Variants in MYL6 observed in about 807,000 individuals in gnomAD.
MYL6 encodes the protein myosin light polypeptide 6.
Under a neutral mutation model 20.3 loss-of-function variants are expected in MYL6, and 20 were observed. That is an observed-to-expected ratio of 0.98 (90% CI 0.69 to 1.43). The LOEUF (loss-of-function observed/expected upper bound fraction) is 1.43, where lower values mean the gene tolerates loss of function less well. Among genes scored for constraint, MYL6 ranks in the 40% most tolerant of loss-of-function variants. MYL6 has a pLI of 0.00. For synonymous variants in MYL6, 77 were observed against 72.4 expected, an observed-to-expected ratio of 1.06 and a Z score of -0.32; for missense variants, 164 against 191.0, an observed-to-expected ratio of 0.86 and a Z score of 0.83.
chr12:56,160,975 C>T (rs1871787509), intron 6 of MYL6: 2 of 566,686 alleles, frequency 3.5e-6, no homozygotes, highest in Non-Finnish European at 6.3e-6. Flanking sequence ...GGCCCTGGAG[C>T]ATGGGTAGCT....
Position 56,158,464 on chromosome 12 carries a change from T to TG in MYL6, c.3+66dup, listed in dbSNP as rs746617292. 6.7e-5 allele frequency: 104 copies of TG among 1,556,148 alleles called. No homozygotes were observed. The African/African-American group carries it at 1.3e-3, about 20-fold the overall frequency. On this transcript the variant is annotated intron_variant, in intron 1 of 6. Transcript: ENST00000550697. The stretch of plus-strand genomic sequence containing the variant: ...GGGACGAGAGGCAGGAAGAGACGGG[T>TG]GGGGGGCGAGGAGAAGGCAGGGGTA...
chr12:56,160,745 C>A, intron 6 of MYL6, 75 bp downstream of exon 6: 1 of 1,497,316 alleles, frequency 6.7e-7, no homozygotes, highest in East Asian at 2.3e-5. Context: ...GCTCTTTATC[C>A]CCTGCCCTTA....
chr12:56,159,714 G>T lies in MYL6; in HGVS notation c.159G>T (p.Gly53=). 1 of 1,614,094 alleles carries T rather than the reference G, an allele frequency of 6.2e-7. No homozygotes were observed. The highest frequency in any genetic ancestry group is 8.5e-7 in the Non-Finnish European group (1 of 1,179,954). ...ACGCCGAGGTGCTCAAGGTCCTGGG[G>T]AACCCCAAGAGTGATGGTGAGGGGC... ...PTNAEVLKVL[G]NPKSDEMNVK... Residue 53 remains glycine, a synonymous_variant, in exon 3 of 7, where the codon GGG becomes GGT. Transcript: ENST00000550697.
At chr12:56,159,072 C>A in intron 2 of MYL6, 1 of 557,252 alleles carries the variant, frequency 1.8e-6, no homozygotes, top group South Asian at 2.7e-5. Context: ...ATAACTGTCC[C>A]CGCCCTCCCA....
rs759256398 is a variant in MYL6, at chr12:56,159,661, A to G, written c.106A>G (p.Met36Val). The change falls in exon 3 of 7, where the codon ATG (methionine) becomes GTG (valine). Residue 36 changes from methionine (M) to valine (V), a missense_variant. Transcript: ENST00000550697. ...CCTGTACAGCCAGTGTGGGGATGTG[A>G]TGAGGGCCCTGGGCCAGAACCCTAC... is the stretch of plus-strand genomic sequence containing the variant. ...KILYSQCGDV[M>V]RALGQNPTNA... 1.1e-5 allele frequency: 17 copies of G among 1,614,142 alleles called. No homozygotes were observed. In the Admixed American group the frequency reaches 2.8e-4, roughly 27 times the overall value.
intron 6 of MYL6, chr12:56,160,937 T>C (rs892727081): frequency 2.9e-5 from 17 of 584,488 alleles, no homozygotes; most frequent in Middle Eastern, 4.5e-4. Flanking sequence ...CCAGCCTGTA[T>C]ACCAGTCTTG....
chr12:56,159,482 T>C (rs1225819523), intron 2 of MYL6, 105 bp from the exon 3 acceptor site: 2 of 1,446,680 alleles, frequency 1.4e-6, no homozygotes, highest in African/African-American at 2.8e-5. Flanking sequence ...TTGGTGCAGA[T>C]ATCTCGTTTC....
chr12:56,161,128 G>T (rs945184578), intron 6 of MYL6: 14 of 600,770 alleles, frequency 2.3e-5, no homozygotes, highest in Non-Finnish European at 3.9e-5. Flanking sequence ...GTAGCTGTAG[G>T]TGTAGTGGAG....
Position 56,161,534 on chromosome 12 carries a change from T to C in MYL6, c.*164T>C, listed in dbSNP as rs4847. 1.4e-3 allele frequency: 1,790 copies of C among 1,282,652 alleles called. 3 individuals carry two copies. Among genetic ancestry groups the C allele is most frequent in the Non-Finnish European group, 1.8e-3 (1,604 of 884,550 alleles). 79.5% of individuals were successfully genotyped at this position (1,282,652 alleles called of 1,614,324 possible). A position where few individuals can be genotyped will look rare whatever the true frequency, so the allele number is the denominator to read the frequency against. On this transcript the variant is annotated 3_prime_UTR_variant, in exon 7 of 7. Coordinates refer to ENST00000550697, the MANE Select transcript of MYL6 (RefSeq NM_021019.5). The stretch of plus-strand genomic sequence containing the variant: ...TTCCCATCTTGTCTCTCTTGGATGA[T>C]GTTTGCCGTCAGCATTCACCAAATA...
chr12:56,160,599 A>G (rs545393786), intron 5 of MYL6, 27 bp from the exon 6 acceptor site: 1 of 1,614,040 alleles, frequency 6.2e-7, no homozygotes, highest in Admixed American at 1.7e-5. Flanking sequence ...TCTTGTCTTC[A>G]CCATGAATGT....
In MYL6 at chr12:56,159,617, G is replaced by C. The variant is rs780249168; in HGVS notation, c.62G>C (p.Arg21Pro). The C allele has an allele frequency of 6.2e-7, 1 of 1,613,884 alleles. No homozygotes were observed. Among genetic ancestry groups the C allele is most frequent in the Non-Finnish European group, 8.5e-7 (1 of 1,179,934 alleles). The change falls in exon 3 of 7, where the codon CGA becomes CCA. Residue 21 changes from arginine (R) to proline (P), a missense_variant. Arg to Pro is a moderately radical substitution (Grantham distance 103). Coordinates refer to ENST00000550697, the MANE Select transcript of MYL6 (RefSeq NM_021019.5). ...EFKEAFQLFDRTGDGKILYSQ... is the reference protein window; with the variant it reads ...EFKEAFQLFDPTGDGKILYSQ... ...AAGGAGGCCTTCCAGCTGTTTGACC[G>C]AACAGGTGATGGCAAGATCCTGTAC...
Position 56,160,639 on chromosome 12 carries a change from T to C in MYL6, c.441T>C (p.His147=), listed in dbSNP as rs762301205. ...GCINYEAFVR[H]ILSG is the part of the protein sequence containing the mutation. ...TCCTTCCTGCAGCGTTTGTGAGGCATATCCTGTCGGGGTGACGGGCCCATG... is the reference window on the plus strand; with the variant it reads ...TCCTTCCTGCAGCGTTTGTGAGGCACATCCTGTCGGGGTGACGGGCCCATG... Residue 147 remains histidine (H), a synonymous_variant, in exon 6 of 7, where the codon CAT becomes CAC. Transcript: ENST00000550697. 1 of 1,614,232 alleles carries C rather than the reference T, an allele frequency of 6.2e-7. No individual in the cohort carries two copies. The highest frequency in any genetic ancestry group is 8.5e-7 in the Non-Finnish European group (1 of 1,180,014).
chr12:56,159,457 A>T (rs1379792539), intron 2 of MYL6, 130 bp from the exon 3 acceptor site: 4 of 1,238,346 alleles, frequency 3.2e-6, no homozygotes, highest in Non-Finnish European at 4.5e-6. Flanking sequence ...TCTTAAGTAG[A>T]CTTTGGTGTA....
chr12:56,160,821 T>A, intron 6 of MYL6, 151 bp downstream of exon 6: 2 of 871,522 alleles, frequency 2.3e-6, no homozygotes, highest in Non-Finnish European at 3.6e-6. Context: ...GGGGAGGGAT[T>A]CCTCAAAGAG....
chr12:56,160,357 C>CA (rs1477504459), intron 5 of MYL6, 37 bp downstream of exon 5: 1 of 1,611,754 alleles, frequency 6.2e-7, no homozygotes, highest in Non-Finnish European at 8.5e-7. Context: ...AGAAAGCAGC[C>CA]ATATGGGGCA....
rs779688376 is a variant in MYL6, at chr12:56,158,729, C to G, written c.31+18C>G. The G allele has an allele frequency of 5.0e-6, 8 of 1,613,548 alleles. No individual in the cohort carries two copies. Among genetic ancestry groups the G allele is most frequent in the Non-Finnish European group, 6.8e-6 (8 of 1,179,746 alleles). ...GACCGCAGGTAGGTTATCTCTGATCCCTACCGAGGTCACCCTTAGGGAGAG... is the reference window on the plus strand; with the variant it reads ...GACCGCAGGTAGGTTATCTCTGATCGCTACCGAGGTCACCCTTAGGGAGAG... On this transcript the variant is annotated intron_variant, in intron 2 of 6. Coordinates refer to ENST00000550697, the MANE Select transcript of MYL6 (RefSeq NM_021019.5).
intron 6 of MYL6, 127 bp downstream of exon 6, chr12:56,160,797 G>A: frequency 9.3e-7 from 1 of 1,078,020 alleles, no homozygotes; most frequent in Non-Finnish European, 1.4e-6. Flanking sequence ...TTTCTGCATG[G>A]AGCTGACTAG....
rs983974036 is a variant in MYL6, at chr12:56,159,880, T to C, written c.176-95T>C. 16 of 1,527,596 alleles carry C rather than the reference T, an allele frequency of 1.0e-5. No individual in the cohort carries two copies. In the East Asian group the frequency reaches 2.7e-4, roughly 26 times the overall value. The allele number at this position is 1,527,596 out of a possible 1,614,324, so 94.6% of individuals were successfully genotyped here. A position where few individuals can be genotyped will look rare whatever the true frequency, so the allele number is the denominator to read the frequency against. On this transcript the variant is annotated intron_variant, in intron 3 of 6. Transcript: ENST00000550697. ...TCCTTGCTTTTAGTGGGGAGTCATC[T>C]GTCATCTCTCTGTTCAGTTGAGGTC... is the stretch of plus-strand genomic sequence containing the variant.
rs576175051 is a variant in MYL6 at position 56,161,282 on chromosome 12, G to T, written c.*17-105G>T. On this transcript the variant is annotated intron_variant, in intron 6 of 6. Transcript: ENST00000550697. ...CTGACCCCAGGGTTGGTTGCTGTGG[G>T]CATGTTCCCGCTTATGCTACCTTTG... 87 of 1,401,150 alleles carry T rather than the reference G, an allele frequency of 6.2e-5. No individual in the cohort carries two copies. In the South Asian group the frequency reaches 9.5e-4, roughly 15 times the overall value. 86.8% of individuals were successfully genotyped at this position (1,401,150 alleles called of 1,614,324 possible). A position where few individuals can be genotyped will look rare whatever the true frequency, so the allele number is the denominator to read the frequency against.
Sources: allele counts gnomAD v4.1 joint callset, GRCh38; gene constraint gnomAD v4.1.1; transcripts MANE v1.5; gene names NCBI Gene and HGNC (gene_info 2026-07-23, HGNC 2026-07-21).